STK17B: variants seen among roughly 807,000 people sequenced by gnomAD.
The protein encoded by STK17B is serine/threonine-protein kinase 17B.
In STK17B, 21 loss-of-function variants were observed where a neutral mutation model predicts 42.0. The observed-to-expected ratio is 0.50, with a 90% CI of 0.35 to 0.72. The LOEUF is 0.72. STK17B is among the 30% of genes least tolerant of loss of function. STK17B has a pLI of 0.00. For missense variants in STK17B, 349 were observed against 446.0 expected (o/e 0.78, Z 1.96); for synonymous variants, 143 against 148.4 (o/e 0.96, Z 0.26).
chr2:196,135,228 C>G lies in STK17B; in HGVS notation c.*2219G>C, dbSNP rs1205297323. On this transcript the variant is annotated 3_prime_UTR_variant, in exon 8 of 8. Coordinates refer to ENST00000263955, the MANE Select transcript of STK17B (RefSeq NM_004226.4). Reference sequence around the variant, plus strand: ...CTAAAAATTAAAAATATAATATGGTCTTCAGAAACATAATCATTTCATTAT... The same window carrying G: ...CTAAAAATTAAAAATATAATATGGTGTTCAGAAACATAATCATTTCATTAT... 3 of 152,048 alleles carry G rather than the reference C, an allele frequency of 2.0e-5. No individual in the cohort carries two copies. The highest frequency in any genetic ancestry group is 7.2e-5 in the African/African-American group (3 of 41,382). 9.4% of individuals were successfully genotyped at this position (152,048 alleles called of 1,614,324 possible). A position where few individuals can be genotyped will look rare whatever the true frequency, so the allele number is the denominator to read the frequency against.
intron 1 of STK17B, among the ~76,000 whole-genome samples, chr2:196,167,567 CAGGT>C (rs1213492861): frequency 6.6e-6 from 1 of 152,194 alleles, no homozygotes; most frequent in African/African-American, 2.4e-5. Context: ...CAGTTCTAAA[CAGGT>C]AGCCACAAAG....
At position 196,156,624 on chromosome 2, in the gene STK17B, A is replaced by C; in HGVS notation, c.150T>G (p.Cys50Trp). 1 of 1,613,866 alleles carries C rather than the reference A, an allele frequency of 6.2e-7. No homozygotes were observed. Among genetic ancestry groups the C allele is most frequent in the Non-Finnish European group, 8.5e-7 (1 of 1,179,872 alleles). Residue 50 changes from cysteine to tryptophan, a missense_variant, in exon 3 of 8, where the codon TGT becomes TGG. Coordinates refer to ENST00000263955, the MANE Select transcript of STK17B (RefSeq NM_004226.4). ...ATTCTTGGCCAGTAGATTTTGATAT[A>C]CATTGTCTAACCACAGCAAATTTTC... ...GRGKFAVVRQCISKSTGQEYA... is the reference protein window; with the variant it reads ...GRGKFAVVRQWISKSTGQEYA...
At chr2:196,161,382 T>C (rs573353904) in intron 2 of STK17B, among the ~76,000 whole-genome samples, 32 of 152,160 alleles carry the variant, frequency 2.1e-4, no homozygotes, top group African/African-American at 7.0e-4. Flanking sequence ...TTTTAAAAGG[T>C]TCTAAAAACT....
chr2:196,152,569 G>A (rs905112864), intron 3 of STK17B, among the ~76,000 whole-genome samples: 2 of 152,130 alleles, frequency 1.3e-5, no homozygotes, highest in Non-Finnish European at 2.9e-5. Flanking sequence ...ACAGAAGGTC[G>A]ACTAAAGCAA....
intron 1 of STK17B, 140 bp from the exon 2 acceptor site, chr2:196,163,567 A>G (rs1171504379): frequency 3.4e-6 from 2 of 583,046 alleles, no homozygotes; most frequent in Non-Finnish European, 5.1e-6. Context: ...ACAAGGAGGA[A>G]AAAACAAAAA....
chr2:196,165,871 C>A (rs1401457528), intron 1 of STK17B: 1 of 152,254 alleles, frequency 6.6e-6, no homozygotes, highest in East Asian at 1.9e-4. Flanking sequence ...CTGCAGTTCC[C>A]TGCCATTGTT....
chr2:196,139,947 A>G, intron 6 of STK17B, 148 bp from the exon 7 acceptor site: 1 of 495,014 alleles, frequency 2.0e-6, no homozygotes, highest in East Asian at 3.7e-5. Flanking sequence ...CTATATTATT[A>G]AAACTAAAAT....
At chr2:196,163,775 C>T (rs879858273) in intron 1 of STK17B, among the ~76,000 whole-genome samples, 1 of 152,096 alleles carries the variant, frequency 6.6e-6, no homozygotes, top group African/African-American at 2.4e-5. Context: ...TGGTGGTATA[C>T]GCCTATAATC....
chr2:196,145,766 G>T, intron 4 of STK17B, 145 bp downstream of exon 4: 1 of 640,844 alleles, frequency 1.6e-6, no homozygotes, highest in Non-Finnish European at 2.4e-6. Flanking sequence ...GGCCACATAG[G>T]CACACGTAAG....
intron 1 of STK17B, chr2:196,165,680 G>C (rs1304110067): frequency 6.6e-6 from 1 of 152,196 alleles, no homozygotes; most frequent in African/African-American, 2.4e-5. Flanking sequence ...GGTGAAGAAA[G>C]CTTCGATTTT....
At chr2:196,163,669 T>A (rs1284861725) in intron 1 of STK17B, among the ~76,000 whole-genome samples, 1 of 151,934 alleles carries the variant, frequency 6.6e-6, no homozygotes, top group Non-Finnish European at 1.5e-5. Flanking sequence ...CCTCTCAATT[T>A]AAAAAAAATA....
intron 2 of STK17B, 54 bp downstream of exon 2, chr2:196,163,208 A>G: frequency 6.3e-7 from 1 of 1,588,638 alleles, no homozygotes; most frequent in Non-Finnish European, 8.6e-7. Flanking sequence ...AATTATAAAA[A>G]CACAAATCCA....
Position 196,137,741 on chromosome 2 carries a change from A to G in STK17B, c.837-12T>C. On this transcript the variant is annotated splice_polypyrimidine_tract_variant and intron_variant, in intron 7 of 7. Coordinates refer to ENST00000263955, the MANE Select transcript of STK17B (RefSeq NM_004226.4). Reference sequence around the variant, plus strand: ...CTGTTGGTCTTTTCCTTTGAAAGAAAGCACCAAGGGAAAATTGAGAACTAA... The same window carrying G: ...CTGTTGGTCTTTTCCTTTGAAAGAAGGCACCAAGGGAAAATTGAGAACTAA... 6.3e-7 allele frequency: 1 copy of G among 1,595,838 alleles called. No individual in the cohort carries two copies. The highest frequency in any genetic ancestry group is 8.5e-7 in the Non-Finnish European group (1 of 1,170,392).
chr2:196,149,520 C>T (rs965147071), intron 3 of STK17B, among the ~76,000 whole-genome samples: 4 of 152,158 alleles, frequency 2.6e-5, no homozygotes, highest in South Asian at 4.1e-4. Flanking sequence ...GCCAACATCT[C>T]GCCTTTCCAA....
rs1463041223 is a variant in STK17B at position 196,135,123 on chromosome 2, G to A, written c.*2324C>T. 1.3e-5 allele frequency: 2 copies of A among 152,106 alleles called. No individual in the cohort carries two copies. 9.4% of individuals were successfully genotyped at this position (152,106 alleles called of 1,614,324 possible). A position where few individuals can be genotyped will look rare whatever the true frequency, so the allele number is the denominator to read the frequency against. On this transcript the variant is annotated 3_prime_UTR_variant, in exon 8 of 8. Coordinates refer to ENST00000263955, the MANE Select transcript of STK17B (RefSeq NM_004226.4). ...AGTATTTTAAGATTTTCAGACATTTGTAAAAATGTCTTTTAACAAATGAAC... is the reference window on the plus strand; with the variant it reads ...AGTATTTTAAGATTTTCAGACATTTATAAAAATGTCTTTTAACAAATGAAC...
intron 3 of STK17B, among the ~76,000 whole-genome samples, chr2:196,152,399 C>A (rs4850668): frequency 2.0e-5 from 3 of 151,998 alleles, no homozygotes; most frequent in African/African-American, 4.8e-5. Context: ...GAGCCACCAC[C>A]CCCGGCCAAA....
At chr2:196,147,737 T>TA (rs1413974539) in intron 3 of STK17B, among the ~76,000 whole-genome samples, 3 of 138,794 alleles carry the variant, frequency 2.2e-5, no homozygotes, top group African/African-American at 9.5e-5. Flanking sequence ...ACATAATATA[T>TA]TTTTTTTTTT....
At chr2:196,172,676 T>C (rs1354518192), upstream of STK17B, among the ~76,000 whole-genome samples, 1 of 152,244 alleles carries the variant, frequency 6.6e-6, no homozygotes, top group Non-Finnish European at 1.5e-5. Flanking sequence ...TTATGAAGTC[T>C]GTTTGTTGTT....
At chr2:196,147,626 C>A (rs1699597032) in intron 3 of STK17B, among the ~76,000 whole-genome samples, 1 of 152,160 alleles carries the variant, frequency 6.6e-6, no homozygotes, top group African/African-American at 2.4e-5. Context: ...CAGAAAAAAA[C>A]TCTGTAGGAC....
Sources: gnomAD v4.1 joint callset for allele counts (sites outside exome capture counted in the v4.1 genomes callset) on GRCh38, gnomAD v4.1.1 for gene constraint, MANE v1.5 for transcripts, NCBI Gene and HGNC (gene_info 2026-07-23, HGNC 2026-07-21) for gene names.